Variants in FNDC3A observed in about 807,000 individuals in gnomAD.
FNDC3A encodes the protein fibronectin type III domain containing 3A, also known as fibronectin type-III domain-containing protein 3A.
A neutral mutation model predicts 148.9 loss-of-function variants in FNDC3A; 32 were observed. That is an observed-to-expected ratio of 0.21 (90% CI 0.16 to 0.29). The LOEUF (loss-of-function observed/expected upper bound fraction) is 0.29, where lower values mean the gene tolerates loss of function less well. Ranked by LOEUF, FNDC3A falls within the 10% of genes least tolerant of loss-of-function variation. The pLI, the probability that FNDC3A is intolerant of heterozygous loss-of-function variation, is 1.00. For missense variants in FNDC3A, 1,191 were observed against 1,452.8 expected (o/e 0.82, Z 2.93); for synonymous variants, 472 against 473.6 (o/e 1.00, Z 0.04).
intron 10 of FNDC3A, 59 bp downstream of exon 10, chr13:49,168,810 A>G (rs1884613915): frequency 6.7e-7 from 1 of 1,493,624 alleles, no homozygotes; most frequent in Non-Finnish European, 9.2e-7. Context: ...TTCCCCTGGT[A>G]GTATTAAGTT....
chr13:49,045,885 G>T, intron 2 of FNDC3A: 1 of 256,512 alleles, frequency 3.9e-6, no homozygotes. Context: ...ATACATCCTT[G>T]ACAGAGCAAT....
At chr13:49,052,121 AC>A (rs1400993916) in intron 2 of FNDC3A, among the ~76,000 whole-genome samples, 1 of 151,940 alleles carries the variant, frequency 6.6e-6, no homozygotes, top group Non-Finnish European at 1.5e-5. Flanking sequence ...GTTGGACTTC[AC>A]CCTTCTCTGA....
chr13:49,172,180 C>A, intron 11 of FNDC3A, 84 bp downstream of exon 11: 1 of 794,138 alleles, frequency 1.3e-6, no homozygotes, highest in Non-Finnish European at 2.1e-6. Flanking sequence ...TTTTAATCAT[C>A]AAGTATATTC....
chr13:49,098,408 TA>T (rs1566248370), intron 3 of FNDC3A, among the ~76,000 whole-genome samples: 1 of 152,100 alleles, frequency 6.6e-6, no homozygotes, highest in Non-Finnish European at 1.5e-5. Context: ...TGTGCTGCAG[TA>T]AATCCTAAGT....
At chr13:49,076,633 C>T (rs147084200) in intron 3 of FNDC3A, among the ~76,000 whole-genome samples, 2 of 152,078 alleles carry the variant, frequency 1.3e-5, no homozygotes, top group Admixed American at 6.5e-5. Context: ...TCCTGATACA[C>T]GGGTAATGTA....
chr13:49,193,657 T>C (rs1886004706), intron 19 of FNDC3A, among the ~76,000 whole-genome samples: 1 of 152,156 alleles, frequency 6.6e-6, no homozygotes, highest in Non-Finnish European at 1.5e-5. Context: ...TGGTGGTAAA[T>C]GCATGTAATC....
In FNDC3A at chr13:49,168,758, AT is replaced by A. The variant is rs753760384; in HGVS notation, c.1176+8del. On this transcript the variant is annotated splice_region_variant and intron_variant, in intron 10 of 25. Transcript: ENST00000492622. ...ACTCACTTTGCAATGGAAGGTAAGA[AT>A]ATTCTTTAGGGTGTTTCCAACTGGA... The A allele has an allele frequency of 6.2e-7, 1 of 1,612,688 alleles. No individual in the cohort carries two copies. Among genetic ancestry groups the A allele is most frequent in the Non-Finnish European group, 8.5e-7 (1 of 1,179,152 alleles).
chr13:49,041,390 C>A (rs1438044558), intron 2 of FNDC3A, among the ~76,000 whole-genome samples: 1 of 152,172 alleles, frequency 6.6e-6, no homozygotes, highest in African/African-American at 2.4e-5. Flanking sequence ...TACTCTATCC[C>A]AATTATCTAG....
At chr13:49,089,667 A>G (rs1309574241) in intron 3 of FNDC3A, among the ~76,000 whole-genome samples, 4 of 152,176 alleles carry the variant, frequency 2.6e-5, no homozygotes, top group African/African-American at 9.7e-5. Flanking sequence ...TGCAATCACA[A>G]AACTTAATTC....
chr13:49,121,311 C>A (rs370578768), intron 4 of FNDC3A, among the ~76,000 whole-genome samples: 3 of 152,274 alleles, frequency 2.0e-5, no homozygotes, highest in African/African-American at 7.2e-5. Context: ...AACAAAGACA[C>A]AACATACCGG....
intron 8 of FNDC3A, among the ~76,000 whole-genome samples, chr13:49,158,388 G>A (rs1883861333): frequency 6.6e-6 from 1 of 152,208 alleles, no homozygotes; most frequent in African/African-American, 2.4e-5. Context: ...CTCGCCCACG[G>A]TACGCGCGCT....
At chr13:49,080,517 T>TA (rs1239741220) in intron 3 of FNDC3A, among the ~76,000 whole-genome samples, 2 of 152,228 alleles carry the variant, frequency 1.3e-5, no homozygotes, top group Admixed American at 1.3e-4. Context: ...AACTTGTTCT[T>TA]ACGTTTTCAT....
At chr13:49,053,436 G>T (rs768124927) in intron 2 of FNDC3A, among the ~76,000 whole-genome samples, 1 of 152,172 alleles carries the variant, frequency 6.6e-6, no homozygotes, top group Non-Finnish European at 1.5e-5. Context: ...TCATGACACA[G>T]CCTCAGGATG....
chr13:49,158,608 A>G (rs1883880896), intron 8 of FNDC3A, among the ~76,000 whole-genome samples: 1 of 152,154 alleles, frequency 6.6e-6, no homozygotes, highest in East Asian at 1.9e-4. Flanking sequence ...GCTGTGCAGA[A>G]GCTCATTAGT....
At chr13:49,123,159 A>G (rs1881470894) in intron 4 of FNDC3A, among the ~76,000 whole-genome samples, 1 of 152,288 alleles carries the variant, frequency 6.6e-6, no homozygotes, top group African/African-American at 2.4e-5. Flanking sequence ...TATATAGACC[A>G]GTGGAACAGA....
chr13:48,989,040 C>T (rs1488289112), intron 1 of FNDC3A, among the ~76,000 whole-genome samples: 1 of 152,104 alleles, frequency 6.6e-6, no homozygotes, highest in Non-Finnish European at 1.5e-5. Context: ...AGAAGAAGTG[C>T]CTGTTTCCAC....
At chr13:49,153,061 A>G (rs1275597597) in intron 8 of FNDC3A, among the ~76,000 whole-genome samples, 1 of 152,022 alleles carries the variant, frequency 6.6e-6, no homozygotes, top group Admixed American at 6.5e-5. Flanking sequence ...GTCAAATGGT[A>G]TTTCTACTTC....
intron 5 of FNDC3A, 100 bp downstream of exon 5, chr13:49,131,474 G>A (rs1315922464): frequency 1.1e-6 from 1 of 874,790 alleles, no homozygotes; most frequent in Non-Finnish European, 1.9e-6. Flanking sequence ...ACAGCAAATG[G>A]TAATGATGTA....
chr13:49,047,691 A>C (rs1875523202), intron 2 of FNDC3A, among the ~76,000 whole-genome samples: 1 of 152,234 alleles, frequency 6.6e-6, no homozygotes, highest in South Asian at 2.1e-4. Flanking sequence ...TTCTGGATAT[A>C]GTCCTTTGTC....
Sources: allele counts gnomAD v4.1 joint callset (sites outside exome capture counted in the v4.1 genomes callset), GRCh38; gene constraint gnomAD v4.1.1; transcripts MANE v1.5; gene names NCBI Gene and HGNC (gene_info 2026-07-23, HGNC 2026-07-21).